Variants in CORIN observed in about 807,000 individuals in gnomAD.
CORIN encodes the protein atrial natriuretic peptide-converting enzyme.
In CORIN, 117 loss-of-function variants were observed where a neutral mutation model predicts 125.3. The observed-to-expected ratio is 0.93, with a 90% CI of 0.80 to 1.09. The LOEUF (loss-of-function observed/expected upper bound fraction) is 1.09. Ranked by LOEUF, CORIN falls within the 50% of genes least tolerant of loss-of-function variation. The probability of loss-of-function intolerance (pLI) is 0.00; values close to 1 mark genes in which losing one functional copy is unlikely to be tolerated. For missense variants in CORIN, 1,253 were observed against 1,306.7 expected (o/e 0.96, Z 0.63); for synonymous variants, 450 against 466.4 (o/e 0.96, Z 0.45).
intron 5 of CORIN, among the ~76,000 whole-genome samples, chr4:47,728,537 T>C (rs1051763757): frequency 1.3e-5 from 2 of 152,198 alleles, no homozygotes; most frequent in Admixed American, 6.5e-5. Flanking sequence ...ATGTTTTGAA[T>C]AGCAAATGAG....
intron 4 of CORIN, among the ~76,000 whole-genome samples, chr4:47,755,404 A>G (rs1729091012): frequency 6.6e-6 from 1 of 152,180 alleles, no homozygotes. Flanking sequence ...TATTCTTCAC[A>G]TGAACAGATT....
intron 3 of CORIN, among the ~76,000 whole-genome samples, chr4:47,773,628 A>T (rs1730159992): frequency 6.6e-6 from 1 of 152,186 alleles, no homozygotes. Flanking sequence ...GCAAAGGAAG[A>T]TTTTATGGAG....
chr4:47,794,830 C>A (rs904246721), intron 2 of CORIN, among the ~76,000 whole-genome samples: 1 of 152,116 alleles, frequency 6.6e-6, no homozygotes, highest in Non-Finnish European at 1.5e-5. Flanking sequence ...GCCAATGACA[C>A]CTTTTAAAAG....
chr4:47,674,262 A>T, intron 10 of CORIN, 131 bp downstream of exon 10: 1 of 666,080 alleles, frequency 1.5e-6, no homozygotes, highest in Non-Finnish European at 2.6e-6. Context: ...GCGACCTTTT[A>T]AAAAGAAAAA....
intron 13 of CORIN, among the ~76,000 whole-genome samples, chr4:47,651,193 T>C (rs772800904): frequency 1.6e-4 from 24 of 152,282 alleles, no homozygotes; most frequent in Non-Finnish European, 2.6e-4. Context: ...ATAACCTTGT[T>C]AGAAATTCTG....
intron 20 of CORIN, among the ~76,000 whole-genome samples, chr4:47,601,269 G>A (rs1279316325): frequency 6.6e-6 from 1 of 151,478 alleles, no homozygotes; most frequent in Non-Finnish European, 1.5e-5. Context: ...TAGTAAGCTT[G>A]AAAGTTATAC....
At chr4:47,651,836 A>C (rs1723742355) in intron 13 of CORIN, among the ~76,000 whole-genome samples, 1 of 152,218 alleles carries the variant, frequency 6.6e-6, no homozygotes, top group Admixed American at 6.5e-5. Context: ...CCAATATGAT[A>C]GTACTTTAAG....
intron 5 of CORIN, among the ~76,000 whole-genome samples, chr4:47,717,363 C>T (rs535024155): frequency 3.9e-5 from 6 of 152,282 alleles, no homozygotes; most frequent in African/African-American, 9.6e-5. Context: ...TGCAGACTCC[C>T]GGGATCTCAG....
chr4:47,780,456 G>A (rs1730487792), intron 3 of CORIN, among the ~76,000 whole-genome samples: 1 of 151,950 alleles, frequency 6.6e-6, no homozygotes, highest in African/African-American at 2.4e-5. Flanking sequence ...TGAAGGAAAT[G>A]AAAAAGAAGA....
At chr4:47,831,079 C>T (rs1732970010) in intron 1 of CORIN, among the ~76,000 whole-genome samples, 1 of 152,234 alleles carries the variant, frequency 6.6e-6, no homozygotes, top group African/African-American at 2.4e-5. Flanking sequence ...CCCTTCTCCA[C>T]AGATGTCATC....
chr4:47,623,872 C>G, intron 18 of CORIN, 27 bp downstream of exon 18: 1 of 1,610,628 alleles, frequency 6.2e-7, no homozygotes, highest in Non-Finnish European at 8.5e-7. Flanking sequence ...AGTTCATATC[C>G]CATTGCCACA....
chr4:47,783,340 T>G (rs1475798829), intron 3 of CORIN, among the ~76,000 whole-genome samples: 2 of 152,142 alleles, frequency 1.3e-5, no homozygotes, highest in Non-Finnish European at 2.9e-5. Flanking sequence ...TAACTAATGT[T>G]AACTCCAGAA....
intron 3 of CORIN, among the ~76,000 whole-genome samples, chr4:47,783,763 G>A (rs1052381469): frequency 2.0e-5 from 3 of 151,946 alleles, no homozygotes; most frequent in African/African-American, 7.2e-5. Context: ...AGTGTGATCA[G>A]GCACTTCTAG....
At chr4:47,638,999 T>G (rs950753292) in intron 16 of CORIN, among the ~76,000 whole-genome samples, 1 of 152,206 alleles carries the variant, frequency 6.6e-6, no homozygotes, top group Admixed American at 6.5e-5. Context: ...GTGTTTTAAA[T>G]CAACTGCCTC....
chr4:47,648,324 G>A (rs1723579540), intron 13 of CORIN, among the ~76,000 whole-genome samples: 1 of 152,118 alleles, frequency 6.6e-6, no homozygotes, highest in Non-Finnish European at 1.5e-5. Context: ...CAATAATTGA[G>A]GATACAGTGT....
chr4:47,681,742 G>T (rs1725289882), intron 7 of CORIN: 1 of 152,118 alleles, frequency 6.6e-6, no homozygotes, highest in Admixed American at 6.5e-5. Flanking sequence ...GGAGGTTCTT[G>T]AGAAAACTAC....
At chr4:47,772,428 C>T (rs1730090421) in intron 3 of CORIN, among the ~76,000 whole-genome samples, 1 of 152,198 alleles carries the variant, frequency 6.6e-6, no homozygotes, top group African/African-American at 2.4e-5. Flanking sequence ...GCAGCTGTAG[C>T]AGCATCTGTC....
intron 1 of CORIN, chr4:47,831,368 C>T (rs1732989204): frequency 6.6e-6 from 1 of 152,364 alleles, no homozygotes; most frequent in Admixed American, 6.5e-5. Context: ...ATGCAGAAGG[C>T]TCAAGAAAGA....
At chr4:47,692,310 CA>C (rs1725807921) in intron 6 of CORIN, among the ~76,000 whole-genome samples, 1 of 152,144 alleles carries the variant, frequency 6.6e-6, no homozygotes, top group African/African-American at 2.4e-5. Flanking sequence ...TAGGGGTGAA[CA>C]AATAGGACAC....
Sources: allele counts gnomAD v4.1 joint callset (sites outside exome capture counted in the v4.1 genomes callset), GRCh38; gene constraint gnomAD v4.1.1; transcripts MANE v1.5; gene names NCBI Gene and HGNC (gene_info 2026-07-23, HGNC 2026-07-21).